SLC4A7: variants seen among roughly 807,000 people sequenced by gnomAD.
SLC4A7 encodes solute carrier family 4 member 7.
In SLC4A7, 51 loss-of-function variants were observed where a neutral mutation model predicts 137.6. That is an observed-to-expected ratio of 0.37 (90% CI 0.30 to 0.47). The LOEUF (loss-of-function observed/expected upper bound fraction) is 0.47, where lower values mean the gene tolerates loss of function less well. SLC4A7 is among the 20% of genes least tolerant of loss of function. SLC4A7 has a pLI of 1.00. For missense variants in SLC4A7, 1,247 were observed against 1,525.4 expected (o/e 0.82, Z 3.04); for synonymous variants, 542 against 518.6 (o/e 1.05, Z -0.61).
At chr3:27,387,290 A>G (rs1215236677) in intron 22 of SLC4A7, among the ~76,000 whole-genome samples, 1 of 152,196 alleles carries the variant, frequency 6.6e-6, no homozygotes, top group African/African-American at 2.4e-5. Context: ...TATGTAATTT[A>G]CATACAGAAA....
At chr3:27,439,813 T>C (rs1390625920) in intron 3 of SLC4A7, among the ~76,000 whole-genome samples, 1 of 152,214 alleles carries the variant, frequency 6.6e-6, no homozygotes, top group Non-Finnish European at 1.5e-5. Flanking sequence ...ACAGAAAATA[T>C]TCAGTCATTA....
At chr3:27,423,851 G>GGT in intron 8 of SLC4A7, 186 bp downstream of exon 8, 1 of 522,998 alleles carries the variant, frequency 1.9e-6, no homozygotes, top group African/African-American at 2.0e-5. Context: ...AGTACTCACA[G>GGT]GTTAACTGTA....
rs11401312 is a variant in SLC4A7, at chr3:27,373,070, G to GA, written c.*3693dup. The GA allele has an allele frequency of 0.69, 94,970 of 138,564 alleles. 31,929 individuals are homozygous for GA. The highest frequency in any genetic ancestry group is 0.87 in the East Asian group (4,249 of 4,900). The allele number at this position is 138,564 out of a possible 1,614,324, so 8.6% of individuals were successfully genotyped here. Reference sequence around the variant, plus strand: ...GGAAGACAATCTCCCCCATGGGGAAGAAAAAAAAAAAAAACCTTGAATAAT... The same window carrying GA: ...GGAAGACAATCTCCCCCATGGGGAAGAAAAAAAAAAAAAAACCTTGAATAAT... On this transcript the variant is annotated 3_prime_UTR_variant, in exon 26 of 26. Coordinates refer to ENST00000454389, the MANE Select transcript of SLC4A7 (RefSeq NM_001321103.2).
rs1445496768 is a variant in SLC4A7, at chr3:27,379,256, T to C, written c.3691A>G (p.Asn1231Asp). 6.6e-7 allele frequency: 1 copy of C among 1,523,038 alleles called. No homozygotes were observed. The highest frequency in any genetic ancestry group is 1.2e-5 in the South Asian group (1 of 83,812). The allele number at this position is 1,523,038 out of a possible 1,614,324, so 94.3% of individuals were successfully genotyped here. Residue 1231 changes from asparagine (N) to aspartate (D), a missense_variant, in exon 25 of 26, where the codon AAC becomes GAC. This residue lies in a region of SLC4A7 where 290 missense variants were observed against 323.8 expected (regional missense o/e 0.90). Coordinates refer to ENST00000454389, the MANE Select transcript of SLC4A7 (RefSeq NM_001321103.2). ...ACAAATAGTTATAACTACCTCATGT[T>C]AGATCTGGTTACTTTGGCATTCTCA... ...NTENAKVTRS[N>D]MSPDKPVSVK...
chr3:27,380,303 T>A (rs994678999), intron 24 of SLC4A7, among the ~76,000 whole-genome samples: 1 of 96,530 alleles, frequency 1.0e-5, no homozygotes, highest in South Asian at 4.2e-4. Flanking sequence ...CAAGACTCCA[T>A]CTCCAGAATT....
chr3:27,448,864 A>T, intron 2 of SLC4A7, 67 bp from the exon 3 acceptor site: 2 of 1,162,864 alleles, frequency 1.7e-6, no homozygotes, highest in Non-Finnish European at 2.4e-6. Flanking sequence ...ATACAAAAGT[A>T]CTCCAAAATC....
At chr3:27,393,456 G>A (rs2051800855) in intron 20 of SLC4A7, among the ~76,000 whole-genome samples, 1 of 152,090 alleles carries the variant, frequency 6.6e-6, no homozygotes, top group African/African-American at 2.4e-5. Context: ...ACCGCTAATG[G>A]TACCATGTGT....
chr3:27,460,766 T>C (rs899210859), intron 1 of SLC4A7, among the ~76,000 whole-genome samples: 1 of 152,250 alleles, frequency 6.6e-6, no homozygotes, highest in African/African-American at 2.4e-5. Context: ...GTATTTTGGA[T>C]AGATACCTTC....
chr3:27,477,461 G>A (rs760556392), intron 1 of SLC4A7, among the ~76,000 whole-genome samples: 19 of 152,104 alleles, frequency 1.2e-4, no homozygotes, highest in Non-Finnish European at 1.3e-4. Flanking sequence ...CTGAACCCAC[G>A]GTTGATACCA....
At chr3:27,406,946 G>A (rs1255225533) in intron 13 of SLC4A7, among the ~76,000 whole-genome samples, 4 of 151,118 alleles carry the variant, frequency 2.6e-5, no homozygotes, top group African/African-American at 9.7e-5. Flanking sequence ...CAGAAACAAA[G>A]GAAAAAAATG....
rs2053396550 is a variant in SLC4A7, at chr3:27,406,698, G to GT, written c.1942-1736dup. 2.0e-5 allele frequency among the ~76,000 whole-genome samples: 3 copies of GT among 152,282 alleles called. No homozygotes were observed. In the South Asian group the frequency reaches 6.2e-4, roughly 32 times the overall value. Reference sequence around the variant, plus strand: ...AACACAAGCACTTTGGGAAGCCGAGGTGGGTGGATTGTTTTGAGCCCAGGA... The same window carrying GT: ...AACACAAGCACTTTGGGAAGCCGAGGTTGGGTGGATTGTTTTGAGCCCAGGA... On this transcript the variant is annotated intron_variant, in intron 13 of 25. Coordinates refer to ENST00000454389, the MANE Select transcript of SLC4A7 (RefSeq NM_001321103.2).
intron 3 of SLC4A7, among the ~76,000 whole-genome samples, chr3:27,442,710 A>G (rs1426750325): frequency 6.6e-6 from 1 of 152,136 alleles, no homozygotes; most frequent in African/African-American, 2.4e-5. Flanking sequence ...TTCTGGTCAC[A>G]TGGCAGGGAA....
chr3:27,407,605 C>T (rs2053513527), intron 13 of SLC4A7, among the ~76,000 whole-genome samples: 1 of 152,062 alleles, frequency 6.6e-6, no homozygotes, highest in African/African-American at 2.4e-5. Flanking sequence ...TATAAATACA[C>T]CTTCTCTACT....
At chr3:27,448,504 G>T in intron 3 of SLC4A7, 147 bp downstream of exon 3, 1 of 440,134 alleles carries the variant, frequency 2.3e-6, no homozygotes, top group Non-Finnish European at 3.8e-6. Flanking sequence ...TACTTCAATT[G>T]ATATTCCCCA....
intron 1 of SLC4A7, among the ~76,000 whole-genome samples, chr3:27,458,284 T>G (rs2058514449): frequency 6.6e-6 from 1 of 152,162 alleles, no homozygotes; most frequent in Non-Finnish European, 1.5e-5. Flanking sequence ...TATTTAATAT[T>G]TTCTATAAAA....
At chr3:27,392,975 G>A (rs1052288384) in intron 20 of SLC4A7, among the ~76,000 whole-genome samples, 2 of 151,974 alleles carry the variant, frequency 1.3e-5, no homozygotes, top group African/African-American at 4.8e-5. Context: ...GAAAAAAGGA[G>A]AAAATTTTCT....
rs1435529283 is a variant in SLC4A7 at position 27,400,753 on chromosome 3, A to G, written c.2427+11T>C. On this transcript the variant is annotated intron_variant, in intron 16 of 25. Coordinates refer to ENST00000454389, the MANE Select transcript of SLC4A7 (RefSeq NM_001321103.2). Reference sequence around the variant, plus strand: ...TCTATTACAAAACCCTTTATTTCAAAATATACTCACAGAAACAGTAAGATT... The same window carrying G: ...TCTATTACAAAACCCTTTATTTCAAGATATACTCACAGAAACAGTAAGATT... The G allele has an allele frequency of 1.3e-6, 2 of 1,487,970 alleles. No individual in the cohort carries two copies. The highest frequency in any genetic ancestry group is 3.5e-5 in the Admixed American group (2 of 57,210). 92.2% of individuals were successfully genotyped at this position (1,487,970 alleles called of 1,614,324 possible).
intron 1 of SLC4A7, among the ~76,000 whole-genome samples, chr3:27,460,634 G>A (rs1198341783): frequency 6.6e-6 from 1 of 152,162 alleles, no homozygotes; most frequent in African/African-American, 2.4e-5. Flanking sequence ...TCTGAGTGAT[G>A]TTCAGCTCAT....
chr3:27,460,913 A>T (rs6786549), intron 1 of SLC4A7, among the ~76,000 whole-genome samples: 141,487 of 152,184 alleles, frequency 0.93, 65,873 homozygotes, highest in East Asian at 1. Flanking sequence ...GTATGTCTTT[A>T]ATTATTCCTT....
Sources: gnomAD v4.1 joint callset for allele counts (sites outside exome capture counted in the v4.1 genomes callset) on GRCh38, gnomAD v4.1.1 for gene constraint, gnomAD v4.1.1 regional missense constraint, MANE v1.5 for transcripts, NCBI Gene and HGNC (gene_info 2026-07-23, HGNC 2026-07-21) for gene names.